Variants in GLMN observed in about 807,000 individuals in gnomAD.
The protein encoded by GLMN is glomulin.
A neutral mutation model predicts 87.8 loss-of-function variants in GLMN; 75 were observed. That is an observed-to-expected ratio of 0.85 (90% confidence interval 0.71 to 1.04). The LOEUF (loss-of-function observed/expected upper bound fraction) is 1.04. GLMN is among the 50% of genes least tolerant of loss of function. The pLI, the probability that GLMN is intolerant of heterozygous loss-of-function variation, is 0.00. For synonymous variants in GLMN, 206 were observed against 221.6 expected (o/e 0.93, Z 0.63); for missense variants, 588 against 658.8 (o/e 0.89, Z 1.18).
Position 92,269,742 on chromosome 1 carries a change from T to A in GLMN, c.958A>T (p.Ile320Phe). ...TCTTACCTTTGCAAAAAGACTTCAATGTGCCCCATATTAAACTGCAAAAGG... is the reference window on the plus strand; with the variant it reads ...TCTTACCTTTGCAAAAAGACTTCAAAGTGCCCCATATTAAACTGCAAAAGG... ...LYLLQFNMGH[I>F]EVFLQRTEES... The change falls in exon 9 of 19, where the codon ATT (isoleucine) becomes TTT (phenylalanine). Residue 320 changes from isoleucine (I) to phenylalanine (F), a missense_variant. Physicochemically the swap from Ile to Phe is conservative, Grantham distance 21 (BLOSUM62 0). Transcript: ENST00000370360. The A allele has an allele frequency of 6.2e-7, 1 of 1,608,994 alleles. No homozygotes were observed. Among genetic ancestry groups the A allele is most frequent in the South Asian group, 1.1e-5 (1 of 90,978 alleles).
chr1:92,315,751 T>C, the GLMN span, among the ~76,000 whole-genome samples: 1 of 152,236 alleles, frequency 6.6e-6, no homozygotes, highest in African/African-American at 2.4e-5. Context: ...AGAAAGGGCC[T>C]TGGAGGTTTT....
chr1:92,291,643 T>C (rs962703057), intron 3 of GLMN, 106 bp from the exon 4 acceptor site: 2 of 1,088,938 alleles, frequency 1.8e-6, no homozygotes, highest in African/African-American at 1.6e-5. Context: ...AATAGGAAGA[T>C]GAGACAAGTG....
chr1:92,342,160 G>A, the GLMN span, among the ~76,000 whole-genome samples: 1 of 152,174 alleles, frequency 6.6e-6, no homozygotes, highest in Admixed American at 6.5e-5. Flanking sequence ...ATAGTACTAA[G>A]GAGGGAGAAA....
At chr1:92,370,160 C>T in the GLMN span, among the ~76,000 whole-genome samples, 3,411 of 152,324 alleles carry the variant, frequency 0.022, 157 homozygotes, top group African/African-American at 0.077. Context: ...GCTGGGATTA[C>T]AGGCATGAGC....
chr1:92,293,792 T>A (rs1649704478), intron 3 of GLMN, among the ~76,000 whole-genome samples: 1 of 152,246 alleles, frequency 6.6e-6, no homozygotes, highest in Admixed American at 6.5e-5. Flanking sequence ...ATGAATGACA[T>A]CCTGTCATTT....
chr1:92,351,305 C>CAAAAAAGAAAAA, the GLMN span, among the ~76,000 whole-genome samples: 1 of 86,838 alleles, frequency 1.2e-5, no homozygotes, highest in African/African-American at 4.2e-5. Flanking sequence ...GACTCTGTCT[C>CAAAAAAGAAAAA]AAAAAAAAAA....
At chr1:92,300,597 G>C (rs1435555728), upstream of GLMN, among the ~76,000 whole-genome samples, 1 of 152,182 alleles carries the variant, frequency 6.6e-6, no homozygotes, top group East Asian at 1.9e-4. Context: ...GTTACATCAA[G>C]TCCAGATTTT....
chr1:92,252,940 T>C (rs1332570238), intron 16 of GLMN, among the ~76,000 whole-genome samples: 1 of 152,126 alleles, frequency 6.6e-6, no homozygotes, highest in East Asian at 1.9e-4. Context: ...AAAGGAAGAC[T>C]AGGCAGTTCT....
rs1655408397 is a variant in GLMN, at chr1:92,264,641, T to C, written c.1215-3A>G. On this transcript the variant is annotated splice_region_variant and splice_polypyrimidine_tract_variant and intron_variant, in intron 13 of 18. Transcript: ENST00000370360. ...GATTACTTGTATTCAATAAGCACCTTGAAAGCAAAATTACAATAGATGTGA... is the reference window on the plus strand; with the variant it reads ...GATTACTTGTATTCAATAAGCACCTCGAAAGCAAAATTACAATAGATGTGA... The C allele has an allele frequency of 2.0e-6, 3 of 1,502,306 alleles. No homozygotes were observed. The highest frequency in any genetic ancestry group is 2.8e-6 in the Non-Finnish European group (3 of 1,078,338). 93.1% of individuals were successfully genotyped at this position (1,502,306 alleles called of 1,614,324 possible). A position where few individuals can be genotyped will look rare whatever the true frequency, so the allele number is the denominator to read the frequency against.
chr1:92,368,929 G>C, the GLMN span, among the ~76,000 whole-genome samples: 1 of 152,238 alleles, frequency 6.6e-6, no homozygotes, highest in Admixed American at 6.5e-5. Flanking sequence ...TGTATTTTCA[G>C]AAGTGAGGTT....
At chr1:92,292,578 TTTTTTGCC>T (rs1439700001) in intron 3 of GLMN, among the ~76,000 whole-genome samples, 12 of 137,206 alleles carry the variant, frequency 8.7e-5, no homozygotes, top group African/African-American at 3.2e-4. Flanking sequence ...GCCTGGCTAA[TTTTTTGCC>T]TTTTTTTTTT....
At chr1:92,369,128 C>A in the GLMN span, among the ~76,000 whole-genome samples, 1 of 152,144 alleles carries the variant, frequency 6.6e-6, no homozygotes, top group African/African-American at 2.4e-5. Flanking sequence ...CAACAGAAAT[C>A]TTTTGTTTTT....
chr1:92,343,015 T>C, the GLMN span, among the ~76,000 whole-genome samples: 3 of 152,118 alleles, frequency 2.0e-5, no homozygotes, highest in South Asian at 2.1e-4. Context: ...CATTTGAGAG[T>C]TGTCAGCATA....
At chr1:92,281,481 A>T (rs559790024) in intron 7 of GLMN, among the ~76,000 whole-genome samples, 4 of 152,264 alleles carry the variant, frequency 2.6e-5, no homozygotes, top group African/African-American at 9.6e-5. Context: ...ACTAAACATG[A>T]ATAGGAACGA....
the GLMN span, among the ~76,000 whole-genome samples, chr1:92,351,442 G>A: frequency 6.6e-6 from 1 of 151,836 alleles, no homozygotes; most frequent in African/African-American, 2.4e-5. Context: ...TAAGAAACCT[G>A]AAAGTAAAGA....
At chr1:92,307,665 A>AT in the GLMN span, among the ~76,000 whole-genome samples, 5 of 152,178 alleles carry the variant, frequency 3.3e-5, no homozygotes, top group Non-Finnish European at 5.9e-5. Flanking sequence ...GTTCAGGTTC[A>AT]TTTAATCTTT....
the GLMN span, among the ~76,000 whole-genome samples, chr1:92,354,977 C>G: frequency 6.6e-6 from 1 of 151,358 alleles, no homozygotes; most frequent in Non-Finnish European, 1.5e-5. Flanking sequence ...CAGCTCATTG[C>G]AATCTCTGCC....
chr1:92,267,727 A>G (rs1217507560), intron 11 of GLMN, among the ~76,000 whole-genome samples, 186 bp downstream of exon 11: 5 of 151,908 alleles, frequency 3.3e-5, no homozygotes, highest in Non-Finnish European at 5.9e-5. Flanking sequence ...ATAGTTCCTT[A>G]GTCACATTTC....
At chr1:92,300,227 A>T (rs780324628), upstream of GLMN, 1 of 1,609,644 alleles carries the variant, frequency 6.2e-7, no homozygotes, top group South Asian at 1.1e-5. Context: ...AAACAAGAAG[A>T]TGCTTCTAAA....
Sources: gnomAD v4.1 joint callset for allele counts (sites outside exome capture counted in the v4.1 genomes callset) on GRCh38, gnomAD v4.1.1 for gene constraint, MANE v1.5 for transcripts, NCBI Gene and HGNC (gene_info 2026-07-23, HGNC 2026-07-21) for gene names.